Variants in PEX13 observed in about 807,000 individuals in gnomAD.
The protein encoded by PEX13 is peroxisome biogenesis factor 13.
Under a neutral mutation model 34.5 loss-of-function variants are expected in PEX13, and 28 were observed. The observed-to-expected ratio is 0.81, with a 90% CI of 0.60 to 1.11. PEX13 has a LOEUF of 1.11. Ranked by LOEUF, PEX13 falls within the 50% of genes most tolerant of loss-of-function variation. The probability of loss-of-function intolerance (pLI) is 0.00; values close to 1 mark genes in which losing one functional copy is unlikely to be tolerated. For synonymous variants in PEX13, 177 were observed against 175.1 expected (o/e 1.01, Z -0.09); for missense variants, 550 against 491.0 (o/e 1.12, Z -1.13).
intron 1 of PEX13, among the ~76,000 whole-genome samples, chr2:61,026,300 A>T (rs1206313010): frequency 6.7e-6 from 1 of 148,790 alleles, no homozygotes; most frequent in African/African-American, 2.5e-5. Context: ...CTTGACCGGT[A>T]GTTGAAAAAC....
intron 1 of PEX13, chr2:61,018,250 G>C (rs1413011135): frequency 1.3e-6 from 2 of 1,551,142 alleles, no homozygotes; most frequent in Non-Finnish European, 8.7e-7. Flanking sequence ...AGGGAGCAAA[G>C]TCTCTCCTTA....
At chr2:61,044,605 C>CA in intron 2 of PEX13, among the ~76,000 whole-genome samples, 1 of 152,170 alleles carries the variant, frequency 6.6e-6, no homozygotes, top group East Asian at 1.9e-4. Context: ...AGGCTGGTCT[C>CA]AAACTCCCGA....
chr2:61,026,819 T>C (rs551458430), intron 1 of PEX13, among the ~76,000 whole-genome samples: 2 of 152,370 alleles, frequency 1.3e-5, no homozygotes, highest in South Asian at 4.1e-4. Context: ...AATTGGGTTT[T>C]ATACTTGCTG....
chr2:61,023,376 A>G (rs542994073), intron 1 of PEX13, among the ~76,000 whole-genome samples: 14 of 150,840 alleles, frequency 9.3e-5, no homozygotes, highest in African/African-American at 3.4e-4. Context: ...TAGCTTTATT[A>G]TATTGTAACC....
Position 61,044,394 on chromosome 2 carries a change from G to A in PEX13, c.788-1332G>A, listed in dbSNP as rs747057897. 8.5e-5 allele frequency among the ~76,000 whole-genome samples: 13 copies of A among 152,228 alleles called. No homozygotes were observed. In the South Asian group the frequency reaches 2.1e-3, roughly 24 times the overall value. On this transcript the variant is annotated intron_variant, in intron 2 of 3. Transcript: ENST00000295030. ...AGCGATTCAAGCTGAGACTATAGGC[G>A]CGTGCCACCACATCTGCCTAATTTT...
Position 61,032,189 on chromosome 2 carries a change from C to A in PEX13, c.787+76C>A, listed in dbSNP as rs1680464180. ...TTTCAAGAATAGATTTGTTAGTTTTCTTTATATTGATTTGTATTTACTGTT... is the reference window on the plus strand; with the variant it reads ...TTTCAAGAATAGATTTGTTAGTTTTATTTATATTGATTTGTATTTACTGTT... On this transcript the variant is annotated intron_variant, in intron 2 of 3. Coordinates refer to ENST00000295030, the MANE Select transcript of PEX13 (RefSeq NM_002618.4). The A allele has an allele frequency of 6.6e-6, 7 of 1,061,158 alleles. No individual in the cohort carries two copies. In the South Asian group the frequency reaches 6.8e-5, roughly 10 times the overall value. 65.7% of individuals were successfully genotyped at this position (1,061,158 alleles called of 1,614,324 possible).
At chr2:61,038,822 G>A (rs978716877) in intron 2 of PEX13, among the ~76,000 whole-genome samples, 3 of 152,188 alleles carry the variant, frequency 2.0e-5, no homozygotes, top group Admixed American at 2.0e-4. Flanking sequence ...AATTGTCTCC[G>A]TTTGCAGATG....
At chr2:61,018,808 T>C (rs907772033) in intron 1 of PEX13, 2 of 152,374 alleles carry the variant, frequency 1.3e-5, no homozygotes, top group Non-Finnish European at 2.9e-5. Flanking sequence ...ACGGTGACAT[T>C]ATCTGCTACC....
In PEX13 at chr2:61,023,430, T is replaced by C. The variant is rs13007484; in HGVS notation, c.92+5579T>C. The stretch of plus-strand genomic sequence containing the variant: ...ACACACACACACACACACACACACA[T>C]ATTTTTTTTTTCTTCCTGCTTAGTA... On this transcript the variant is annotated intron_variant, in intron 1 of 3. Coordinates refer to ENST00000295030, the MANE Select transcript of PEX13 (RefSeq NM_002618.4). 9.2e-3 allele frequency among the ~76,000 whole-genome samples: 1,190 copies of C among 129,634 alleles called. 13 individuals carry two copies. The highest frequency in any genetic ancestry group is 0.03 in the African/African-American group (1,089 of 35,764). 85.0% of individuals were successfully genotyped at this position (129,634 alleles called of 152,430 possible).
chr2:61,046,982 A>C (rs1375549931), intron 3 of PEX13, among the ~76,000 whole-genome samples: 1 of 152,048 alleles, frequency 6.6e-6, no homozygotes, highest in Non-Finnish European at 1.5e-5. Flanking sequence ...CCACCTACTC[A>C]AGGGGCTGAG....
intron 2 of PEX13, among the ~76,000 whole-genome samples, chr2:61,044,396 G>A (rs1271405953): frequency 2.0e-5 from 3 of 152,270 alleles, no homozygotes; most frequent in South Asian, 2.1e-4. Context: ...CTATAGGCGC[G>A]TGCCACCACA....
intron 1 of PEX13, among the ~76,000 whole-genome samples, chr2:61,022,417 A>G (rs1442954668): frequency 6.6e-6 from 1 of 152,244 alleles, no homozygotes. Context: ...ATCAAGTGGA[A>G]AAAAGGATAT....
At chr2:61,045,635 C>A in intron 2 of PEX13, 91 bp from the exon 3 acceptor site, 2 of 1,182,928 alleles carry the variant, frequency 1.7e-6, no homozygotes, top group South Asian at 1.3e-5. Flanking sequence ...TTTCTCTTGG[C>A]AAATTTATGC....
chr2:61,043,926 C>T (rs1160227061), intron 2 of PEX13, among the ~76,000 whole-genome samples: 3 of 152,174 alleles, frequency 2.0e-5, no homozygotes, highest in Admixed American at 1.3e-4. Context: ...CTTTGGAAAT[C>T]ACCTTTTACT....
At chr2:61,030,171 C>T (rs1680428192) in intron 1 of PEX13, among the ~76,000 whole-genome samples, 2 of 152,134 alleles carry the variant, frequency 1.3e-5, no homozygotes, top group Admixed American at 6.6e-5. Flanking sequence ...CAAAATACTA[C>T]GTATTGTATG....
At chr2:61,041,554 G>A (rs933740447) in intron 2 of PEX13, among the ~76,000 whole-genome samples, 1 of 152,266 alleles carries the variant, frequency 6.6e-6, no homozygotes, top group East Asian at 1.9e-4. Flanking sequence ...AAGTCATCAA[G>A]CTCCAGCAAG....
chr2:61,047,375 C>T (rs1447262296), intron 3 of PEX13, among the ~76,000 whole-genome samples: 2 of 152,066 alleles, frequency 1.3e-5, no homozygotes, highest in East Asian at 1.9e-4. Context: ...AGGCTGGTCT[C>T]GAACTCCTGA....
At chr2:61,044,627 C>T (rs1351895048) in intron 2 of PEX13, among the ~76,000 whole-genome samples, 3 of 152,096 alleles carry the variant, frequency 2.0e-5, no homozygotes, top group Admixed American at 6.5e-5. Context: ...CTCAGGAGAT[C>T]CACCCGCCTC....
At chr2:61,020,263 A>G (rs1573546696) in intron 1 of PEX13, among the ~76,000 whole-genome samples, 2 of 152,136 alleles carry the variant, frequency 1.3e-5, no homozygotes, top group African/African-American at 4.8e-5. Flanking sequence ...AATTACCTCC[A>G]TGAAATTTTT....
Sources: gnomAD v4.1 joint callset for allele counts (sites outside exome capture counted in the v4.1 genomes callset) on GRCh38, gnomAD v4.1.1 for gene constraint, MANE v1.5 for transcripts, NCBI Gene and HGNC (gene_info 2026-07-23, HGNC 2026-07-21) for gene names.